Variants in WDR37 observed in about 807,000 individuals in gnomAD.
The protein encoded by WDR37 is WD repeat domain 37.
In WDR37, 19 loss-of-function variants were observed where a neutral mutation model predicts 62.9. That is an observed-to-expected ratio of 0.30 (90% CI 0.21 to 0.44). WDR37 has a LOEUF of 0.44. Among genes scored for constraint, WDR37 ranks in the 20% least tolerant of loss-of-function variants. The pLI is 1.00. For missense variants in WDR37, 474 were observed against 657.6 expected (o/e 0.72, Z 3.05); for synonymous variants, 250 against 260.9 (o/e 0.96, Z 0.40).
chr10:1,067,580 C>A (rs1190767977), intron 1 of WDR37, among the ~76,000 whole-genome samples: 1 of 151,928 alleles, frequency 6.6e-6, no homozygotes, highest in Non-Finnish European at 1.5e-5. Flanking sequence ...AGTAAAAAAC[C>A]CGAATAATAC....
At chr10:1,107,843 G>C (rs1010803031) in intron 11 of WDR37, among the ~76,000 whole-genome samples, 5 of 151,804 alleles carry the variant, frequency 3.3e-5, no homozygotes, top group East Asian at 1.9e-4. Context: ...GCCTCTCTCT[G>C]AAACACACGC....
At chr10:1,096,875 G>A (rs1834600108) in intron 9 of WDR37, among the ~76,000 whole-genome samples, 1 of 152,214 alleles carries the variant, frequency 6.6e-6, no homozygotes, top group Non-Finnish European at 1.5e-5. Flanking sequence ...GAGAGGAAAG[G>A]GGAGAGCTGG....
Position 1,129,305 on chromosome 10 carries a change from T to C in WDR37, c.1446T>C (p.Gly482=), listed in dbSNP as rs765046943. ...GTGGGTTTGACCGGCAAGCCATTGGTTGGAACATCAACATCCCTGCATTGC... is the reference window on the plus strand; with the variant it reads ...GTGGGTTTGACCGGCAAGCCATTGGCTGGAACATCAACATCCCTGCATTGC... The part of the protein sequence containing the change: ...FTCGFDRQAI[G]WNINIPALLQ... Residue 482 remains glycine, a synonymous_variant, in exon 14 of 14, where the codon GGT becomes GGC. Transcript: ENST00000263150. The C allele has an allele frequency of 1.1e-5, 17 of 1,614,004 alleles. No homozygotes were observed. The highest frequency in any genetic ancestry group is 7.7e-5 in the South Asian group (7 of 91,078).
chr10:1,075,669 TG>T (rs1310632623), intron 2 of WDR37, among the ~76,000 whole-genome samples: 1 of 151,498 alleles, frequency 6.6e-6, no homozygotes, highest in East Asian at 1.9e-4. Flanking sequence ...GGGATGCTTG[TG>T]GGGAGGGATG....
intron 4 of WDR37, 30 bp from the exon 5 acceptor site, chr10:1,080,372 TTGTGTGATTG>T (rs1389198619): frequency 6.2e-7 from 1 of 1,613,182 alleles, no homozygotes; most frequent in Non-Finnish European, 8.5e-7. Flanking sequence ...AGGTCTTTGA[TTGTGTGATTG>T]TGTTTGATTG....
At chr10:1,093,146 T>C (rs1346337250) in intron 7 of WDR37, among the ~76,000 whole-genome samples, 1 of 152,188 alleles carries the variant, frequency 6.6e-6, no homozygotes. Flanking sequence ...AATTATGTTT[T>C]CTTTTTTTTA....
intron 11 of WDR37, among the ~76,000 whole-genome samples, chr10:1,115,699 A>G (rs1835368792): frequency 1.3e-5 from 2 of 152,164 alleles, no homozygotes; most frequent in African/African-American, 4.8e-5. Context: ...CGTGTTGGAA[A>G]GGACGCATGT....
chr10:1,122,834 C>T lies in WDR37; in HGVS notation c.1104-1384C>T, dbSNP rs183177486. Reference sequence around the variant, plus strand: ...GCTGGTGAGGACATGATTTCCTCTGCAGATTTTGCCTGGGTTTCTTCAGTG... The same window carrying T: ...GCTGGTGAGGACATGATTTCCTCTGTAGATTTTGCCTGGGTTTCTTCAGTG... On this transcript the variant is annotated intron_variant, in intron 11 of 13. Coordinates refer to ENST00000263150, the MANE Select transcript of WDR37 (RefSeq NM_014023.4). 3.5e-3 allele frequency among the ~76,000 whole-genome samples: 538 copies of T among 152,322 alleles called. 3 individuals are homozygous for T. Among genetic ancestry groups the T allele is most frequent in the African/African-American group, 0.012 (514 of 41,566 alleles).
chr10:1,105,081 G>C lies in WDR37; in HGVS notation c.962-45G>C. The C allele has an allele frequency of 1.2e-6, 2 of 1,604,560 alleles. No homozygotes were observed. The highest frequency in any genetic ancestry group is 1.7e-6 in the Non-Finnish European group (2 of 1,172,312). ...GCTGTTGAAAAGCGTCTCTCTCAGC[G>C]TGCTCCTCAGGTGATGACCTTGTGT... On this transcript the variant is annotated intron_variant, in intron 10 of 13. Transcript: ENST00000263150. This position sits in a 1 kb window ranked among gnomAD's most constrained non-coding sequence, Gnocchi z 5.3.
intron 7 of WDR37, 100 bp downstream of exon 7, chr10:1,086,457 G>T: frequency 1.1e-6 from 1 of 928,778 alleles, no homozygotes. Context: ...TGTGTAGGAA[G>T]CCTTACTGTT....
In WDR37 at chr10:1,099,284, C is replaced by T. The variant is rs557355200; in HGVS notation, c.726+3038C>T. Among the ~76,000 whole-genome samples, 138 of 152,310 alleles carry T rather than the reference C, an allele frequency of 9.1e-4. No homozygotes were observed. The Middle Eastern group carries it at 0.01, about 11-fold the overall frequency. ...GGCGTGATCTTCCCACGTGCTCAGCCCCCCCAGTTCGGTGCCTGAACAGGT... is the reference window on the plus strand; with the variant it reads ...GGCGTGATCTTCCCACGTGCTCAGCTCCCCCAGTTCGGTGCCTGAACAGGT... On this transcript the variant is annotated intron_variant, in intron 9 of 13. Coordinates refer to ENST00000263150, the MANE Select transcript of WDR37 (RefSeq NM_014023.4).
At chr10:1,075,637 G>A (rs1388553271) in intron 2 of WDR37, among the ~76,000 whole-genome samples, 1 of 152,162 alleles carries the variant, frequency 6.6e-6, no homozygotes, top group Non-Finnish European at 1.5e-5. Context: ...CCTTGTGTAG[G>A]AGTCAGAAGG....
At chr10:1,074,461 AT>A in intron 2 of WDR37, 3 of 1,304,364 alleles carry the variant, frequency 2.3e-6, no homozygotes, top group Non-Finnish European at 3.0e-6. Flanking sequence ...GACGGAGCTC[AT>A]TTGTTCAATG....
At chr10:1,126,395 G>A (rs1472349813) in intron 13 of WDR37, among the ~76,000 whole-genome samples, 4 of 140,246 alleles carry the variant, frequency 2.9e-5, no homozygotes, top group East Asian at 2.0e-4. Context: ...GACAGAGCGA[G>A]ACTGTGTCTC....
rs182482324 is a variant in WDR37, at chr10:1,124,543, C to A, written c.1238+191C>A. 2.2e-4 allele frequency among the ~76,000 whole-genome samples: 33 copies of A among 152,240 alleles called. 2 individuals are homozygous for A. The South Asian group carries it at 3.3e-3, about 15-fold the overall frequency. The stretch of plus-strand genomic sequence containing the variant: ...AACTTAGCCTAAAACCAGGTTGGAT[C>A]AGTGAGATTTGTGAGAATGAGAATG... On this transcript the variant is annotated intron_variant, in intron 12 of 13. Coordinates refer to ENST00000263150, the MANE Select transcript of WDR37 (RefSeq NM_014023.4).
At chr10:1,101,047 T>TCTGGGGGCCTCTGCC (rs1834779711) in intron 9 of WDR37, among the ~76,000 whole-genome samples, 1 of 152,190 alleles carries the variant, frequency 6.6e-6, no homozygotes, top group Non-Finnish European at 1.5e-5. Flanking sequence ...TGAACGCCTG[T>TCTGGGGGCCTCTGCC]ATTGTTCTCT....
intron 11 of WDR37, among the ~76,000 whole-genome samples, chr10:1,115,165 G>A (rs1294556536): frequency 1.3e-5 from 2 of 151,946 alleles, no homozygotes; most frequent in African/African-American, 4.8e-5. Flanking sequence ...TTTGCAATGC[G>A]GATAAACTTT....
Position 1,129,547 on chromosome 10 carries a change from G to A in WDR37, c.*203G>A, listed in dbSNP as rs749848684. On this transcript the variant is annotated 3_prime_UTR_variant, in exon 14 of 14. Transcript: ENST00000263150. ...TATTTTTTACTTTTGTCTTGTATATGTATGTATATTGGGTCCTCTGGGCAG... is the reference window on the plus strand; with the variant it reads ...TATTTTTTACTTTTGTCTTGTATATATATGTATATTGGGTCCTCTGGGCAG... 3 of 726,508 alleles carry A rather than the reference G, an allele frequency of 4.1e-6. No homozygotes were observed. Among genetic ancestry groups the A allele is most frequent in the Non-Finnish European group, 4.2e-6 (2 of 473,674 alleles). 45.0% of individuals were successfully genotyped at this position (726,508 alleles called of 1,614,324 possible). A position where few individuals can be genotyped will look rare whatever the true frequency, so the allele number is the denominator to read the frequency against.
intron 1 of WDR37, among the ~76,000 whole-genome samples, chr10:1,068,702 C>A (rs1449093621): frequency 2.0e-5 from 3 of 152,058 alleles, no homozygotes; most frequent in Admixed American, 1.3e-4. Context: ...TAGAAAAAAA[C>A]CACAAAAACT....
Sources: gnomAD v4.1 joint callset for allele counts (sites outside exome capture counted in the v4.1 genomes callset) on GRCh38, gnomAD v4.1.1 for gene constraint, Gnocchi (gnomAD v3.1) non-coding constraint, MANE v1.5 for transcripts, NCBI Gene and HGNC (gene_info 2026-07-23, HGNC 2026-07-21) for gene names.